Variants in GRID2IP observed in about 807,000 individuals in gnomAD.
The protein encoded by GRID2IP is delphilin.
A neutral mutation model predicts 114.3 loss-of-function variants in GRID2IP; 78 were observed. The observed-to-expected ratio is 0.68, with a 90% confidence interval of 0.57 to 0.82. The LOEUF (loss-of-function observed/expected upper bound fraction) is 0.82, where lower values mean the gene tolerates loss of function less well. Among genes scored for constraint, GRID2IP ranks in the 40% least tolerant of loss-of-function variants. The probability of loss-of-function intolerance (pLI) is 0.00; values close to 1 mark genes in which losing one functional copy is unlikely to be tolerated. For synonymous variants in GRID2IP, 809 were observed against 724.0 expected (o/e 1.12, Z -1.89); for missense variants, 1,727 against 1,678.5 (o/e 1.03, Z -0.51).
rs190876194 is a variant in GRID2IP, at chr7:6,516,092, G to A, written c.1269-1563C>T. 0.018 allele frequency among the ~76,000 whole-genome samples: 2,645 copies of A among 147,540 alleles called. 76 individuals are homozygous for A. Among genetic ancestry groups the A allele is most frequent in the African/African-American group, 0.061 (2,499 of 40,658 alleles). On this transcript the variant is annotated intron_variant, in intron 7 of 21. Coordinates refer to ENST00000457091, the MANE Select transcript of GRID2IP (RefSeq NM_001145118.2). The surrounding 1 kb of genome is among the most constrained non-coding windows in gnomAD (Gnocchi z 4.3). ...AGCCTGGGTGACAGAGCAAGACCCCGTCTCAAAATAATAATAATAAAAAAT... is the reference window on the plus strand; with the variant it reads ...AGCCTGGGTGACAGAGCAAGACCCCATCTCAAAATAATAATAATAAAAAAT...
At chr7:6,518,726 C>A (rs1779357637) in intron 7 of GRID2IP, among the ~76,000 whole-genome samples, 1 of 151,794 alleles carries the variant, frequency 6.6e-6, no homozygotes, top group Non-Finnish European at 1.5e-5. Context: ...CAGAGTAAGA[C>A]TCCATCTCAA....
intron 1 of GRID2IP, among the ~76,000 whole-genome samples, chr7:6,544,348 C>G (rs1486369491): frequency 6.6e-6 from 1 of 151,572 alleles, no homozygotes; most frequent in Non-Finnish European, 1.5e-5. Flanking sequence ...GGCATGATCT[C>G]GGCTCATTGC....
Position 6,528,832 on chromosome 7 carries a change from G to A in GRID2IP, c.585-2063C>T, listed in dbSNP as rs372773267. ...AACCAGGAACCAGGATGAATGTCCT[G>A]CTCACCTCTGCCCGGTGCCCATTCC... On this transcript the variant is annotated intron_variant, in intron 2 of 21. Transcript: ENST00000457091. This position sits in a 1 kb window ranked among gnomAD's most constrained non-coding sequence, Gnocchi z 6.0. Among the ~76,000 whole-genome samples, 30 of 152,218 alleles carry A rather than the reference G, an allele frequency of 2.0e-4. 1 individual carries two copies. The East Asian group carries it at 5.6e-3, about 28-fold the overall frequency.
chr7:6,536,812 G>T lies in GRID2IP; in HGVS notation c.584+2906C>A, dbSNP rs1330439388. ...CCCCTCTTCTGATTCTCCTAGCAAG[G>T]GGCTCACCCCTTACTCACCCCAGGC... On this transcript the variant is annotated intron_variant, in intron 2 of 21. Coordinates refer to ENST00000457091, the MANE Select transcript of GRID2IP (RefSeq NM_001145118.2). This position sits in a 1 kb window ranked among gnomAD's most constrained non-coding sequence, Gnocchi z 5.3. 1.1e-5 allele frequency: 8 copies of T among 700,630 alleles called. No homozygotes were observed. The highest frequency in any genetic ancestry group is 3.5e-5 in the African/African-American group (2 of 57,102). 43.4% of individuals were successfully genotyped at this position (700,630 alleles called of 1,614,324 possible). A position where few individuals can be genotyped will look rare whatever the true frequency, so the allele number is the denominator to read the frequency against.
intron 1 of GRID2IP, among the ~76,000 whole-genome samples, chr7:6,543,979 T>C (rs1779849430): frequency 6.6e-6 from 1 of 151,884 alleles, no homozygotes; most frequent in Non-Finnish European, 1.5e-5. Flanking sequence ...GTAATTTTTG[T>C]AGAGATGGGG....
Position 6,510,422 on chromosome 7 carries a change from T to C in GRID2IP, c.1654-22A>G, listed in dbSNP as rs376200869. On this transcript the variant is annotated intron_variant, in intron 10 of 21. Coordinates refer to ENST00000457091, the MANE Select transcript of GRID2IP (RefSeq NM_001145118.2). The stretch of plus-strand genomic sequence containing the variant: ...ACATCTGGAGGGAGACGGGGGAGAG[T>C]CCAGCCCATTCTGCTTCCCCTCGTA... 2.0e-6 allele frequency: 3 copies of C among 1,476,354 alleles called. No individual in the cohort carries two copies. The African/African-American group carries it at 4.3e-5, about 21-fold the overall frequency. 91.5% of individuals were successfully genotyped at this position (1,476,354 alleles called of 1,614,324 possible).
intron 7 of GRID2IP, 144 bp from the exon 8 acceptor site, chr7:6,514,673 C>T (rs1481876173): frequency 1.3e-5 from 9 of 668,280 alleles, no homozygotes; most frequent in Admixed American, 3.8e-5. Flanking sequence ...AAGTGGGGGC[C>T]GGGCACAGTG....
intron 1 of GRID2IP, among the ~76,000 whole-genome samples, chr7:6,544,410 G>A (rs958110839): frequency 1.3e-5 from 2 of 151,858 alleles, no homozygotes; most frequent in Admixed American, 1.3e-4. Context: ...CTCCTGAGTA[G>A]CTGGGATTAC....
In GRID2IP at chr7:6,516,988, C is replaced by T. The variant is rs141960922; in HGVS notation, c.1269-2459G>A. On this transcript the variant is annotated intron_variant, in intron 7 of 21. Transcript: ENST00000457091. The surrounding 1 kb of genome is among the most constrained non-coding windows in gnomAD (Gnocchi z 4.3). Reference sequence around the variant, plus strand: ...GGCATTCGGGGCCACTACTGGTCTCCGCGTCTTGGTGGTAGTGGTCCCCCG... The same window carrying T: ...GGCATTCGGGGCCACTACTGGTCTCTGCGTCTTGGTGGTAGTGGTCCCCCG... Among the ~76,000 whole-genome samples, 1,865 of 151,928 alleles carry T rather than the reference C, an allele frequency of 0.012. 40 individuals are homozygous for T. Among genetic ancestry groups the T allele is most frequent in the African/African-American group, 0.043 (1,763 of 41,418 alleles).
intron 4 of GRID2IP, 64 bp from the exon 5 acceptor site, chr7:6,522,021 C>G (rs1393531065): frequency 1.4e-5 from 18 of 1,323,438 alleles, no homozygotes; most frequent in Non-Finnish European, 3.2e-6. Context: ...GAGCAGGATG[C>G]TATCCTGTTT....
In GRID2IP at chr7:6,551,269, C is replaced by T. The variant is rs1159553593; in HGVS notation, c.168G>A (p.Ala56=). The T allele has an allele frequency of 4.6e-6, 7 of 1,538,220 alleles. No individual in the cohort carries two copies. The highest frequency in any genetic ancestry group is 1.4e-5 in the African/African-American group (1 of 72,986). ...GDQILEVEGL[A]VGGLSRERLV... is the part of the protein sequence containing the mutation. ...GGCGCTCGCGGCTCAGACCGCCCAC[C>T]GCCAGCCCCTCCACCTCCAGGATCT... Residue 56 remains alanine (A), a synonymous_variant, in exon 1 of 22, where the codon GCG becomes GCA. Coordinates refer to ENST00000457091, the MANE Select transcript of GRID2IP (RefSeq NM_001145118.2).
chr7:6,520,443 C>T lies in GRID2IP; in HGVS notation c.1268+135G>A. 2 of 1,021,344 alleles carry T rather than the reference C, an allele frequency of 2.0e-6. No individual in the cohort carries two copies. The highest frequency in any genetic ancestry group is 2.8e-6 in the Non-Finnish European group (2 of 721,834). 63.3% of individuals were successfully genotyped at this position (1,021,344 alleles called of 1,614,324 possible). On this transcript the variant is annotated intron_variant, in intron 7 of 21. Transcript: ENST00000457091. The surrounding 1 kb of genome is among the most constrained non-coding windows in gnomAD (Gnocchi z 4.6). Reference sequence around the variant, plus strand: ...GCCCACCACCCTGGGGCCCCTGATACCAGCAGCCACCTTCCTGAGCATCCC... The same window carrying T: ...GCCCACCACCCTGGGGCCCCTGATATCAGCAGCCACCTTCCTGAGCATCCC...
At position 6,551,350 on chromosome 7, in the gene GRID2IP, G is replaced by A. The variant is rs1261158057; in HGVS notation, c.87C>T (p.Val29=). ...CGCTGCTCCCCTTGGCCACCTCCAG[G>A]ACGAAGCAGGGGCCAGAGCCACCTA... is the stretch of plus-strand genomic sequence containing the variant. ...FRLGGSGPCF[V]LEVAKGSSAH... The change falls in exon 1 of 22, where the codon GTC becomes GTT. Residue 29 remains valine (V), a synonymous_variant. Coordinates refer to ENST00000457091, the MANE Select transcript of GRID2IP (RefSeq NM_001145118.2). The A allele has an allele frequency of 6.5e-7, 1 of 1,548,730 alleles. No individual in the cohort carries two copies. The highest frequency in any genetic ancestry group is 8.7e-7 in the Non-Finnish European group (1 of 1,146,656).
At chr7:6,544,470 A>G (rs987423886) in intron 1 of GRID2IP, among the ~76,000 whole-genome samples, 5 of 149,932 alleles carry the variant, frequency 3.3e-5, no homozygotes, top group African/African-American at 1.2e-4. Flanking sequence ...TAGTAGAGAC[A>G]GGGTTTCTCC....
intron 2 of GRID2IP, among the ~76,000 whole-genome samples, chr7:6,533,691 T>A (rs1206780726): frequency 2.0e-5 from 3 of 151,058 alleles, no homozygotes; most frequent in African/African-American, 7.3e-5. Flanking sequence ...TTTTTTTTTT[T>A]TAAGAGATGG....
chr7:6,535,293 G>A (rs576268534), intron 2 of GRID2IP, among the ~76,000 whole-genome samples: 2 of 152,354 alleles, frequency 1.3e-5, no homozygotes, highest in Non-Finnish European at 2.9e-5. Context: ...GCCTCCTAAA[G>A]TGCTGGAATT....
intron 1 of GRID2IP, among the ~76,000 whole-genome samples, chr7:6,550,585 C>A (rs190476103): frequency 0.036 from 5,253 of 145,002 alleles, 132 homozygotes; most frequent in Non-Finnish European, 0.053. Flanking sequence ...CAGAGGTGGG[C>A]AGATCACTTG....
rs1004317200 is a variant in GRID2IP at position 6,503,584 on chromosome 7, C to T, written c.2814G>A (p.Leu938=). The T allele has an allele frequency of 2.0e-6, 3 of 1,529,352 alleles. No homozygotes were observed. Among genetic ancestry groups the T allele is most frequent in the East Asian group, 5.0e-5 (2 of 40,178 alleles). The allele number at this position is 1,529,352 out of a possible 1,614,324, so 94.7% of individuals were successfully genotyped here. The change falls in exon 16 of 22, where the codon CTG becomes CTA. Residue 938 remains leucine (L), a synonymous_variant. Transcript: ENST00000457091. ...RLEPAHLAQL[L]LFAPDADEEQ... Reference sequence around the variant, plus strand: ...CCTCGTCGGCGTCGGGCGCGAAGAGCAGCAGCTGCGCGAGATGTGCGGGCT... The same window carrying T: ...CCTCGTCGGCGTCGGGCGCGAAGAGTAGCAGCTGCGCGAGATGTGCGGGCT...
At position 6,498,190 on chromosome 7, in the gene GRID2IP, G is replaced by C. The variant is rs6463568; in HGVS notation, c.3438C>G (p.Leu1146=). ...CCATGGCCTCGCGCTGCAGCCCGTCGAGCGCCCGAAGTGCTGGCTGGGCCG... is the reference window on the plus strand; with the variant it reads ...CCATGGCCTCGCGCTGCAGCCCGTCCAGCGCCCGAAGTGCTGGCTGGGCCG... ...LETAQPALRA[L]DGLQREAMEE... is the part of the protein sequence containing the mutation. The change falls in exon 21 of 22, where the codon CTC becomes CTG. Residue 1146 remains leucine (L), a synonymous_variant. Transcript: ENST00000457091. The C allele has an allele frequency of 0.9, 1,391,091 of 1,550,180 alleles. 630,264 individuals carry two copies. The highest frequency in any genetic ancestry group is 0.93 in the Non-Finnish European group (1,065,497 of 1,146,620).
Sources: gnomAD v4.1 joint callset for allele counts (sites outside exome capture counted in the v4.1 genomes callset) on GRCh38, gnomAD v4.1.1 for gene constraint, Gnocchi (gnomAD v3.1) non-coding constraint, MANE v1.5 for transcripts, NCBI Gene and HGNC (gene_info 2026-07-23, HGNC 2026-07-21) for gene names.